SULT2B1: variants seen among roughly 807,000 people sequenced by gnomAD.
SULT2B1 encodes the protein sulfotransferase 2B1.
SULT2B1 carries 16 observed loss-of-function variants against 33.2 expected under a neutral mutation model. The observed-to-expected ratio is 0.48, with a 90% CI of 0.33 to 0.73. SULT2B1 has a LOEUF of 0.73. Ranked by LOEUF, SULT2B1 falls within the 30% of genes least tolerant of loss-of-function variation. The pLI, the probability that SULT2B1 is intolerant of heterozygous loss-of-function variation, is 0.02. For missense variants in SULT2B1, 500 were observed against 506.0 expected, an observed-to-expected ratio of 0.99 and a Z score of 0.11; for synonymous variants, 186 against 200.5, an observed-to-expected ratio of 0.93 and a Z score of 0.61.
chr19:48,577,852 G>A (rs1261156203), intron 2 of SULT2B1, among the ~76,000 whole-genome samples: 1 of 152,100 alleles, frequency 6.6e-6, no homozygotes, highest in African/African-American at 2.4e-5. Flanking sequence ...ATTGTACTGG[G>A]GCAACCCAGA....
intron 1 of SULT2B1, among the ~76,000 whole-genome samples, chr19:48,573,251 T>C (rs1973355477): frequency 3.3e-5 from 5 of 152,072 alleles, no homozygotes; most frequent in Middle Eastern, 3.4e-3. Flanking sequence ...ATCACCTGCC[T>C]GCTGTGGCCA....
chr19:48,568,285 CAAA>C (rs1325928170), intron 1 of SULT2B1, among the ~76,000 whole-genome samples: 58 of 82,544 alleles, frequency 7.0e-4, no homozygotes, highest in African/African-American at 1.7e-3. Context: ...GACTCCATCT[CAAA>C]AAAAAAAAAA....
At position 48,552,763 on chromosome 19, in the gene SULT2B1, C is replaced by T. The variant is rs549852624; in HGVS notation, c.71+440C>T. On this transcript the variant is annotated intron_variant, in intron 1 of 6. Transcript: ENST00000201586. The surrounding 1 kb of genome is among the most constrained non-coding windows in gnomAD (Gnocchi z 4.8). The stretch of plus-strand genomic sequence containing the variant: ...GGGTGAAATGGGAGAGACTGGGATG[C>T]TGCTGAGACCCCCAGAGGGAGAAGC... Among the ~76,000 whole-genome samples, 200 of 152,214 alleles carry T rather than the reference C, an allele frequency of 1.3e-3. No individual in the cohort carries two copies. Among genetic ancestry groups the T allele is most frequent in the Non-Finnish European group, 2.2e-3 (148 of 68,004 alleles).
At chr19:48,553,117 A>T (rs761935816) in intron 1 of SULT2B1, among the ~76,000 whole-genome samples, 41 of 151,966 alleles carry the variant, frequency 2.7e-4, no homozygotes, top group Admixed American at 9.2e-4. Flanking sequence ...GGGAGCGCAG[A>T]GGCCCAGAGA....
chr19:48,555,826 G>T (rs372761105), intron 1 of SULT2B1, among the ~76,000 whole-genome samples: 1 of 151,798 alleles, frequency 6.6e-6, no homozygotes. Context: ...TGCAACCTCC[G>T]CCTCCCAGGT....
chr19:48,598,306 C>A (rs1973748876), intron 6 of SULT2B1, among the ~76,000 whole-genome samples: 1 of 152,066 alleles, frequency 6.6e-6, no homozygotes, highest in Middle Eastern at 3.2e-3. Context: ...AAAACTGAGG[C>A]TTGGGAGGGG....
intron 1 of SULT2B1, among the ~76,000 whole-genome samples, chr19:48,568,898 C>T (rs1973280195): frequency 6.6e-6 from 1 of 151,986 alleles, no homozygotes; most frequent in South Asian, 2.1e-4. Context: ...CTTCTTTGCG[C>T]TCACTCTTCC....
chr19:48,598,997 G>A, intron 6 of SULT2B1, 138 bp from the exon 7 acceptor site: 1 of 1,429,416 alleles, frequency 7.0e-7, no homozygotes, highest in Non-Finnish European at 9.2e-7. Context: ...CAATGTGGAG[G>A]GTAGGGAGGA....
intron 3 of SULT2B1, among the ~76,000 whole-genome samples, chr19:48,590,475 A>T (rs201831659): frequency 1.3e-5 from 2 of 151,794 alleles, no homozygotes; most frequent in East Asian, 4.0e-4. Flanking sequence ...GGTGGCACCC[A>T]CCTGTAGTCC....
intron 1 of SULT2B1, among the ~76,000 whole-genome samples, chr19:48,564,551 C>CAAAAAAAAAAAAAAAA (rs770217698): frequency 2.4e-4 from 14 of 57,634 alleles, no homozygotes; most frequent in African/African-American, 5.0e-4. Context: ...GACTCCGTCT[C>CAAAAAAAAAAAAAAAA]AAAAAAAAAA....
At position 48,596,853 on chromosome 19, in the gene SULT2B1, A is replaced by G. The variant is rs1469996474; in HGVS notation, c.760A>G (p.Met254Val). Residue 254 changes from methionine to valine, a missense_variant, in exon 6 of 7, where the codon ATG (methionine) becomes GTG (valine). Met to Val is a conservative substitution (Grantham distance 21). Transcript: ENST00000201586. ...CTTCAGCGCCATGAAGGCCAACACC[A>G]TGTCCAACTACACGCTGCTGCCTCC... ...STFSAMKANT[M>V]SNYTLLPPSL... 2 of 1,609,130 alleles carry G rather than the reference A, an allele frequency of 1.2e-6. No individual in the cohort carries two copies. The highest frequency in any genetic ancestry group is 1.3e-5 in the African/African-American group (1 of 74,890).
chr19:48,587,239 G>T lies in SULT2B1; in HGVS notation c.225G>T (p.Trp75Cys). 1 of 1,611,710 alleles carries T rather than the reference G, an allele frequency of 6.2e-7. No homozygotes were observed. ...GATTTCTCCCAACAGGCACGACCTG[G>T]ATGATCGAGATCATCTGCTTAATCC... is the stretch of plus-strand genomic sequence containing the variant. ...IITYPKSGTT[W>C]MIEIICLILK... is the part of the protein sequence containing the mutation. The change falls in exon 3 of 7, where the codon TGG (tryptophan) becomes TGT (cysteine). Residue 75 changes from tryptophan (W) to cysteine (C), a missense_variant. By Grantham distance (215) the Trp-to-Cys change is radical. Coordinates refer to ENST00000201586, the MANE Select transcript of SULT2B1 (RefSeq NM_177973.2).
intron 2 of SULT2B1, among the ~76,000 whole-genome samples, chr19:48,579,921 TTGTTTC>T (rs1456725618): frequency 6.6e-6 from 1 of 151,852 alleles, no homozygotes; most frequent in Non-Finnish European, 1.5e-5. Context: ...ATGCAAGTTC[TTGTTTC>T]TATTTTTATT....
intron 1 of SULT2B1, among the ~76,000 whole-genome samples, chr19:48,568,317 C>T (rs1463635483): frequency 4.0e-5 from 6 of 151,498 alleles, no homozygotes; most frequent in Non-Finnish European, 7.4e-5. Flanking sequence ...TAAAAAGGGC[C>T]GCAAAGGAGG....
intron 2 of SULT2B1, among the ~76,000 whole-genome samples, chr19:48,578,748 G>A (rs543961195): frequency 1.3e-5 from 2 of 151,792 alleles, no homozygotes; most frequent in Admixed American, 6.6e-5. Flanking sequence ...GTGGTGGTGC[G>A]TGCCTGTAAT....
chr19:48,557,368 C>T (rs765941666), intron 1 of SULT2B1, among the ~76,000 whole-genome samples: 12 of 151,296 alleles, frequency 7.9e-5, no homozygotes, highest in South Asian at 2.1e-4. Context: ...GGTAAAACCC[C>T]GTCTCTACTA....
chr19:48,592,906 C>T lies in SULT2B1; in HGVS notation c.645+90C>T, dbSNP rs1444131948. ...CCCCTTCCCGAGGGTCTCAGGACCC[C>T]TCCGCTTCCCCATGCAATGCGCCAG... On this transcript the variant is annotated intron_variant, in intron 5 of 6. Coordinates refer to ENST00000201586, the MANE Select transcript of SULT2B1 (RefSeq NM_177973.2). The T allele has an allele frequency of 8.0e-6, 9 of 1,124,528 alleles. No individual in the cohort carries two copies. The Admixed American group carries it at 8.1e-5, about 10-fold the overall frequency. The allele number at this position is 1,124,528 out of a possible 1,614,324, so 69.7% of individuals were successfully genotyped here.
At chr19:48,569,361 A>AAAAAAAAAAAAAATATAT (rs1568405757) in intron 1 of SULT2B1, among the ~76,000 whole-genome samples, 1 of 9,968 alleles carries the variant, frequency 1.0e-4, no homozygotes, top group Non-Finnish European at 1.9e-4. Flanking sequence ...AAAAAAAAAA[A>AAAAAAAAAAAAAATATAT]ACATATATAT....
chr19:48,552,459 G>T lies in SULT2B1; in HGVS notation c.71+136G>T. 1.1e-6 allele frequency: 1 copy of T among 879,090 alleles called. No homozygotes were observed. The highest frequency in any genetic ancestry group is 1.8e-6 in the Non-Finnish European group (1 of 568,006). 54.5% of individuals were successfully genotyped at this position (879,090 alleles called of 1,614,324 possible). On this transcript the variant is annotated intron_variant, in intron 1 of 6. Coordinates refer to ENST00000201586, the MANE Select transcript of SULT2B1 (RefSeq NM_177973.2). This position sits in a 1 kb window ranked among gnomAD's most constrained non-coding sequence, Gnocchi z 4.8. Reference sequence around the variant, plus strand: ...TGGCCCAGACTTAGCTGGAGGGGCTGGGCTGGGCTGGGGCATCCAGTGTGG... The same window carrying T: ...TGGCCCAGACTTAGCTGGAGGGGCTTGGCTGGGCTGGGGCATCCAGTGTGG...
Sources: allele counts gnomAD v4.1 joint callset (sites outside exome capture counted in the v4.1 genomes callset), GRCh38; gene constraint gnomAD v4.1.1; non-coding constraint Gnocchi (gnomAD v3.1); transcripts MANE v1.5; gene names NCBI Gene and HGNC (gene_info 2026-07-23, HGNC 2026-07-21).